The following SCMH1 variants were observed in gnomAD, a reference collection of about 807,000 sequenced individuals.
The protein encoded by SCMH1 is polycomb protein SCMH1.
In SCMH1, 37 loss-of-function variants were observed where a neutral mutation model predicts 70.8. The ratio of observed to expected loss-of-function variants is 0.52; its 90% CI spans 0.40 to 0.69. The LOEUF is 0.69. Ranked by LOEUF, SCMH1 falls within the 30% of genes least tolerant of loss-of-function variation. The pLI is 0.00. For synonymous variants in SCMH1, 292 were observed against 307.4 expected, an observed-to-expected ratio of 0.95 and a Z score of 0.52; for missense variants, 607 against 827.3, an observed-to-expected ratio of 0.73 and a Z score of 3.27.
At chr1:41,037,591 C>G in intron 12 of SCMH1, 50 bp from the exon 13 acceptor site, 3 of 1,547,300 alleles carry the variant, frequency 1.9e-6, no homozygotes, top group Non-Finnish European at 2.7e-6. Flanking sequence ...TGCCAGAGTG[C>G]TGGCTCCCAG....
At chr1:41,193,055 C>T (rs1436329564) in intron 1 of SCMH1, among the ~76,000 whole-genome samples, 1 of 152,200 alleles carries the variant, frequency 6.6e-6, no homozygotes, top group African/African-American at 2.4e-5. Context: ...TTACAAAAAA[C>T]TGGTGGCAGA....
chr1:41,039,259 T>C (rs959209144), intron 12 of SCMH1, among the ~76,000 whole-genome samples: 7 of 151,828 alleles, frequency 4.6e-5, no homozygotes, highest in South Asian at 4.1e-4. Flanking sequence ...ATGCAAACCA[T>C]TGAGTGTCTC....
intron 6 of SCMH1, among the ~76,000 whole-genome samples, chr1:41,118,272 C>G (rs1279042266): frequency 3.3e-5 from 5 of 152,128 alleles, no homozygotes; most frequent in African/African-American, 4.8e-5. Flanking sequence ...GTCTCCAAAC[C>G]AAGTTTCCTA....
chr1:41,143,767 A>G (rs1644310051), intron 5 of SCMH1, among the ~76,000 whole-genome samples: 1 of 152,156 alleles, frequency 6.6e-6, no homozygotes, highest in Non-Finnish European at 1.5e-5. Context: ...GGACCTCTGC[A>G]CCCAGGCAAC....
chr1:41,177,179 CCTGA>C (rs1249052806), intron 2 of SCMH1, among the ~76,000 whole-genome samples: 1 of 152,204 alleles, frequency 6.6e-6, no homozygotes, highest in Non-Finnish European at 1.5e-5. Context: ...AGCTGAGGGT[CCTGA>C]CTGTTAGAAG....
intron 2 of SCMH1, chr1:41,162,969 TAA>T (rs979941793): frequency 2.0e-5 from 3 of 152,224 alleles, no homozygotes; most frequent in Non-Finnish European, 4.4e-5. Flanking sequence ...ACGGCGTGGC[TAA>T]AAGAGTTGCT....
In SCMH1 at chr1:41,160,774, A is replaced by G. The variant is rs960142379; in HGVS notation, c.106+101T>C. 10 of 1,065,388 alleles carry G rather than the reference A, an allele frequency of 9.4e-6. No individual in the cohort carries two copies. In the Admixed American group the frequency reaches 1.2e-4, roughly 13 times the overall value. 66.0% of individuals were successfully genotyped at this position (1,065,388 alleles called of 1,614,324 possible). On this transcript the variant is annotated intron_variant, in intron 4 of 14. Coordinates refer to ENST00000337495, the Ensembl canonical transcript of SCMH1. ...GGATTCACTGGTTTCTGAGACAGAG[A>G]CACGTGGAATTCTTTTCCTCGTTGG...
intron 6 of SCMH1, among the ~76,000 whole-genome samples, chr1:41,117,607 C>A (rs1670836311): frequency 6.6e-6 from 1 of 152,222 alleles, no homozygotes. Flanking sequence ...AACTGTCTCC[C>A]TGTGATGCTG....
chr1:41,182,171 G>A (rs1004243005), intron 2 of SCMH1, among the ~76,000 whole-genome samples: 1 of 152,120 alleles, frequency 6.6e-6, no homozygotes, highest in Non-Finnish European at 1.5e-5. Flanking sequence ...GACACAGGAA[G>A]GGGAACATCA....
intron 2 of SCMH1, among the ~76,000 whole-genome samples, chr1:41,176,513 G>T (rs1055927813): frequency 1.3e-5 from 2 of 152,228 alleles, no homozygotes; most frequent in South Asian, 4.1e-4. Context: ...AAAGAAAGGG[G>T]TGACAGACGG....
chr1:41,104,721 CAA>C (rs1429890005), intron 8 of SCMH1, among the ~76,000 whole-genome samples: 1 of 152,104 alleles, frequency 6.6e-6, no homozygotes, highest in Non-Finnish European at 1.5e-5. Flanking sequence ...TCTCAGGAGA[CAA>C]GAGGGGTATA....
At chr1:41,147,534 T>C (rs75336037) in intron 5 of SCMH1, among the ~76,000 whole-genome samples, 2,208 of 152,282 alleles carry the variant, frequency 0.014, 19 homozygotes, top group Middle Eastern at 0.044. Flanking sequence ...GACAGTATTC[T>C]ATGTATGTCA....
At chr1:41,182,964 C>T (rs1649229309) in intron 2 of SCMH1, among the ~76,000 whole-genome samples, 1 of 152,146 alleles carries the variant, frequency 6.6e-6, no homozygotes, top group African/African-American at 2.4e-5. Context: ...AAAAAAGGAG[C>T]TAGTCACCTA....
intron 10 of SCMH1, among the ~76,000 whole-genome samples, chr1:41,064,662 C>T (rs1459794401): frequency 6.6e-6 from 1 of 152,066 alleles, no homozygotes; most frequent in Non-Finnish European, 1.5e-5. Context: ...CCTGTAATCC[C>T]AATGCTTTGT....
rs80037243 is a variant in SCMH1, at chr1:41,234,935, C to G, written c.-118+7124G>C. ...TAGTACTTTGAATATGTTTCCACCA[C>G]GCCAAGCTTATTTTTGTATTTTTTG... On this transcript the variant is annotated intron_variant, in intron 1 of 14. Coordinates refer to ENST00000337495, the Ensembl canonical transcript of SCMH1. 2.4e-3 allele frequency among the ~76,000 whole-genome samples: 365 copies of G among 152,204 alleles called. 2 individuals are homozygous for G. Among genetic ancestry groups the G allele is most frequent in the African/African-American group, 8.1e-3 (338 of 41,532 alleles).
intron 2 of SCMH1, among the ~76,000 whole-genome samples, chr1:41,175,451 A>G (rs763821861): frequency 1.1e-4 from 16 of 152,210 alleles, no homozygotes; most frequent in African/African-American, 2.7e-4. Flanking sequence ...TACAGATAGT[A>G]TATCATGGGA....
At chr1:41,031,029 G>C (rs1407496607) in intron 13 of SCMH1, among the ~76,000 whole-genome samples, 1 of 152,186 alleles carries the variant, frequency 6.6e-6, no homozygotes, top group Non-Finnish European at 1.5e-5. Flanking sequence ...GGCTCACGCT[G>C]TAATCCCAGC....
chr1:41,188,990 T>C (rs911995550), intron 1 of SCMH1, among the ~76,000 whole-genome samples: 2 of 152,168 alleles, frequency 1.3e-5, no homozygotes, highest in Non-Finnish European at 1.5e-5. Flanking sequence ...ATCATAATAC[T>C]ATGCCAATAT....
At chr1:41,125,657 C>T (rs778054201) in intron 6 of SCMH1, among the ~76,000 whole-genome samples, 4 of 151,866 alleles carry the variant, frequency 2.6e-5, no homozygotes, top group African/African-American at 4.8e-5. Context: ...ACTGCAGCCT[C>T]GACCTCCCAG....
Sources: allele counts gnomAD v4.1 joint callset (sites outside exome capture counted in the v4.1 genomes callset), GRCh38; gene constraint gnomAD v4.1.1; transcripts MANE v1.5; gene names NCBI Gene and HGNC (gene_info 2026-07-23, HGNC 2026-07-21).